PHEX: variants seen among roughly 807,000 people sequenced by gnomAD.
PHEX encodes the protein phosphate-regulating neutral endopeptidase PHEX.
Under a neutral mutation model 68.0 loss-of-function variants are expected in PHEX, and 16 were observed. The observed-to-expected ratio is 0.24, with a 90% CI of 0.16 to 0.36. The LOEUF is 0.36. PHEX is among the 10% of genes least tolerant of loss of function. The pLI is 1.00. For missense variants in PHEX, 480 were observed against 575.5 expected (o/e 0.83, Z 1.70); for synonymous variants, 208 against 205.1 (o/e 1.01, Z -0.12).
At chrX:22,137,369 A>T (rs1932278294) in intron 12 of PHEX, among the ~76,000 whole-genome samples, 1 of 112,093 alleles carries the variant, frequency 8.9e-6, no homozygotes, top group African/African-American at 3.2e-5. Flanking sequence ...CATCCTAATG[A>T]TGCTCTGAGG....
intron 9 of PHEX, among the ~76,000 whole-genome samples, chrX:22,108,848 A>G (rs1930823153): frequency 9.2e-6 from 1 of 108,802 alleles, no homozygotes; most frequent in South Asian, 4.1e-4. Flanking sequence ...AGGCTGAGGC[A>G]GGAGAATTGC....
chrX:22,119,401 G>A (rs919264704), intron 11 of PHEX, among the ~76,000 whole-genome samples: 1 of 110,925 alleles, frequency 9.0e-6, no homozygotes, highest in Non-Finnish European at 1.9e-5. Flanking sequence ...CTCCCCTAGA[G>A]AATTGATGAT....
chrX:22,153,702 C>T (rs947723550), intron 12 of PHEX, among the ~76,000 whole-genome samples: 5 of 111,561 alleles, frequency 4.5e-5, no homozygotes, highest in African/African-American at 9.8e-5. Context: ...ATTCGAATCT[C>T]GGGTGTTCTA....
At chrX:22,183,710 C>T (rs1933946983) in intron 14 of PHEX, among the ~76,000 whole-genome samples, 3 of 108,853 alleles carry the variant, frequency 2.8e-5, no homozygotes, top group Non-Finnish European at 3.8e-5. Context: ...TCAGTTCCAA[C>T]TCTTTTTTAA....
At chrX:22,189,594 G>A (rs1934135555) in intron 14 of PHEX, among the ~76,000 whole-genome samples, 1 of 111,400 alleles carries the variant, frequency 9.0e-6, no homozygotes, top group Non-Finnish European at 1.9e-5. Flanking sequence ...AGAAATAATT[G>A]TACTTGATTA....
chrX:22,172,408 A>G (rs1933566513), intron 13 of PHEX: 1 of 111,844 alleles, frequency 8.9e-6, no homozygotes. Context: ...GAAAAATGAG[A>G]TAAACCACAG....
chrX:22,223,090 C>G (rs746913295), intron 18 of PHEX, among the ~76,000 whole-genome samples: 2 of 112,212 alleles, frequency 1.8e-5, no homozygotes, highest in Non-Finnish European at 3.8e-5. Context: ...AAAGGGCATG[C>G]CTGTCTTAGC....
intron 12 of PHEX, among the ~76,000 whole-genome samples, chrX:22,149,271 G>T (rs995196938): frequency 1.8e-5 from 2 of 111,870 alleles, no homozygotes; most frequent in African/African-American, 6.5e-5. Context: ...CCTCACAGAG[G>T]TTTGTAAGGA....
chrX:22,102,747 C>T (rs1930486707), intron 9 of PHEX, among the ~76,000 whole-genome samples: 1 of 112,236 alleles, frequency 8.9e-6, no homozygotes, highest in African/African-American at 3.2e-5. Context: ...AGGCAGGGGG[C>T]TAGAGAGCTG....
intron 15 of PHEX, among the ~76,000 whole-genome samples, chrX:22,192,339 A>G (rs1803119869): frequency 9.0e-6 from 1 of 111,453 alleles, no homozygotes; most frequent in South Asian, 3.8e-4. Context: ...TAGCCTCCTC[A>G]TTGGCCTCCC....
At chrX:22,209,949 A>T (rs1308834484) in intron 15 of PHEX, among the ~76,000 whole-genome samples, 1 of 106,356 alleles carries the variant, frequency 9.4e-6, no homozygotes, top group East Asian at 2.8e-4. Context: ...GTAAAAAAAA[A>T]AAAAAATAAA....
chrX:22,119,595 T>C (rs1467455126), intron 11 of PHEX, among the ~76,000 whole-genome samples: 1 of 107,996 alleles, frequency 9.3e-6, no homozygotes, highest in Non-Finnish European at 1.9e-5. Flanking sequence ...TTTTTCTTTT[T>C]CTTTTTTTTT....
intron 15 of PHEX, among the ~76,000 whole-genome samples, chrX:22,197,236 T>G (rs1455418732): frequency 9.0e-6 from 1 of 111,209 alleles, no homozygotes; most frequent in Admixed American, 9.6e-5. Context: ...TTTTTTCCAC[T>G]TATTCACTTG....
Position 22,098,632 on chromosome X carries a change from CA to C in PHEX, c.934-358del, listed in dbSNP as rs778559963. ...TGAAATTCCACCTCTACTAAAAATA[CA>C]AAAAAAAAAAAAAAATTAGCCAAGT... On this transcript the variant is annotated intron_variant, in intron 8 of 21. Transcript: ENST00000379374. Among the ~76,000 whole-genome samples, 405 of 70,239 alleles carry C rather than the reference CA, an allele frequency of 5.8e-3. 4 individuals are homozygous for C. Among genetic ancestry groups the C allele is most frequent in the East Asian group, 9.7e-3 (23 of 2,366 alleles). The allele number at this position is 70,239 out of a possible 115,157, so 61.0% of individuals were successfully genotyped here.
chrX:22,142,698 A>G (rs746993363), intron 12 of PHEX, among the ~76,000 whole-genome samples: 15 of 112,300 alleles, frequency 1.3e-4, no homozygotes, highest in Admixed American at 9.4e-4. Flanking sequence ...CAATTCACTA[A>G]CTAATAGATT....
At chrX:22,220,979 C>T (rs1288343116) in intron 17 of PHEX, among the ~76,000 whole-genome samples, 1 of 111,911 alleles carries the variant, frequency 8.9e-6, no homozygotes, top group Non-Finnish European at 1.9e-5. Context: ...ATCTTTCTTC[C>T]CATTGTGTTT....
At chrX:22,155,511 T>C (rs778742841) in intron 12 of PHEX, among the ~76,000 whole-genome samples, 10 of 112,298 alleles carry the variant, frequency 8.9e-5, no homozygotes, top group African/African-American at 3.2e-4. Context: ...CCTTGGTATT[T>C]ATTGCAGGTG....
At chrX:22,154,776 A>G (rs1932914819) in intron 12 of PHEX, among the ~76,000 whole-genome samples, 1 of 112,231 alleles carries the variant, frequency 8.9e-6, no homozygotes, top group Admixed American at 9.4e-5. Context: ...CGTGACACAG[A>G]TGCTGCCAGT....
Position 22,077,715 on chromosome X carries a change from C to A in PHEX, c.663+13C>A, listed in dbSNP as rs1192771391. The A allele has an allele frequency of 1.7e-6, 2 of 1,144,373 alleles. No individual in the cohort carries two copies. Among genetic ancestry groups the A allele is most frequent in the African/African-American group, 1.8e-5 (1 of 56,514 alleles). 94.3% of individuals were successfully genotyped at this position (1,144,373 alleles called of 1,213,427 possible). On this transcript the variant is annotated intron_variant, in intron 5 of 21. Coordinates refer to ENST00000379374, the MANE Select transcript of PHEX (RefSeq NM_000444.6). Reference sequence around the variant, plus strand: ...ACATATCTTGAAGGTATAATGAGGACCCATTCATCTTCTTTGCTCAGTCCT... The same window carrying A: ...ACATATCTTGAAGGTATAATGAGGAACCATTCATCTTCTTTGCTCAGTCCT...
Sources: gnomAD v4.1 joint callset for allele counts (sites outside exome capture counted in the v4.1 genomes callset) on GRCh38, gnomAD v4.1.1 for gene constraint, MANE v1.5 for transcripts, NCBI Gene and HGNC (gene_info 2026-07-23, HGNC 2026-07-21) for gene names.